Variants in SCARA3 observed in about 807,000 individuals in gnomAD.
SCARA3 encodes the protein scavenger receptor class A member 3.
SCARA3 carries 39 observed loss-of-function variants against 47.0 expected under a neutral mutation model. That is an observed-to-expected ratio of 0.83 (90% CI 0.64 to 1.08). The LOEUF is 1.08. Among genes scored for constraint, SCARA3 ranks in the 50% least tolerant of loss-of-function variants. SCARA3 has a pLI of 0.00. For synonymous variants in SCARA3, 356 were observed against 334.1 expected, an observed-to-expected ratio of 1.07 and a Z score of -0.71; for missense variants, 724 against 792.3, an observed-to-expected ratio of 0.91 and a Z score of 1.04.
In SCARA3 at chr8:27,659,497, A is replaced by C. The variant is rs1238638869; in HGVS notation, c.1327A>C (p.Thr443Pro). The change falls in exon 5 of 6, where the codon ACA (threonine) becomes CCA (proline). Residue 443 changes from threonine to proline, a missense_variant. Thr to Pro is a conservative substitution (Grantham distance 38). Coordinates refer to ENST00000301904, the MANE Select transcript of SCARA3 (RefSeq NM_016240.3). ...CGTGGAGGAGATGAAGGCAGTGGAC[A>C]CACAGCATGGAGAAATCCTTCGCAA... is the stretch of plus-strand genomic sequence containing the variant. ...MIVEEMKAVD[T>P]QHGEILRNVT... is the part of the protein sequence containing the mutation. 1.2e-6 allele frequency: 2 copies of C among 1,613,744 alleles called. No individual in the cohort carries two copies. Among genetic ancestry groups the C allele is most frequent in the South Asian group, 1.1e-5 (1 of 91,026 alleles).
chr8:27,707,039 C>A, the SCARA3 span, among the ~76,000 whole-genome samples: 1 of 152,222 alleles, frequency 6.6e-6, no homozygotes, highest in South Asian at 2.1e-4. Context: ...CAGAAGAGGT[C>A]ATGGACTTGG....
chr8:27,659,596 T>C (rs764413923), intron 5 of SCARA3, 57 bp downstream of exon 5: 58 of 1,455,516 alleles, frequency 4.0e-5, no homozygotes, highest in Middle Eastern at 1.8e-4. Flanking sequence ...CTTGGTGATC[T>C]TGCTGGACAC....
chr8:27,696,902 C>G, the SCARA3 span, among the ~76,000 whole-genome samples: 1 of 152,104 alleles, frequency 6.6e-6, no homozygotes, highest in African/African-American at 2.4e-5. Context: ...TGGAGAATGA[C>G]TATCATTGGG....
chr8:27,672,931 C>T lies in SCARA3; in HGVS notation c.*1580C>T. 1.0e-6 allele frequency: 1 copy of T among 985,436 alleles called. No homozygotes were observed. The allele number at this position is 985,436 out of a possible 1,614,324, so 61.0% of individuals were successfully genotyped here. A position where few individuals can be genotyped will look rare whatever the true frequency, so the allele number is the denominator to read the frequency against. On this transcript the variant is annotated 3_prime_UTR_variant, in exon 6 of 6. Coordinates refer to ENST00000301904, the MANE Select transcript of SCARA3 (RefSeq NM_016240.3). ...GGATGTGCAACTGGTTTGCACTGCA[C>T]ACCCCACGGCCATGTAACTCTCCTG...
chr8:27,708,200 T>C, the SCARA3 span, among the ~76,000 whole-genome samples: 2 of 152,246 alleles, frequency 1.3e-5, no homozygotes, highest in East Asian at 3.9e-4. Flanking sequence ...GGGAGATCTT[T>C]AGGAAAAACA....
the SCARA3 span, among the ~76,000 whole-genome samples, chr8:27,690,821 T>C: frequency 2.6e-5 from 4 of 152,126 alleles, 1 homozygote; most frequent in South Asian, 8.3e-4. Context: ...TCTGCCTGGC[T>C]ATAGGCACAC....
chr8:27,716,929 G>T, the SCARA3 span, among the ~76,000 whole-genome samples: 61 of 152,152 alleles, frequency 4.0e-4, no homozygotes, highest in African/African-American at 1.5e-3. Context: ...AGAAGAACAC[G>T]GCATCACCTT....
At chr8:27,708,792 T>C in the SCARA3 span, among the ~76,000 whole-genome samples, 1 of 152,226 alleles carries the variant, frequency 6.6e-6, no homozygotes, top group African/African-American at 2.4e-5. Flanking sequence ...TTGTTCATTA[T>C]AGACTTTAAA....
the SCARA3 span, among the ~76,000 whole-genome samples, chr8:27,689,788 A>C: frequency 6.6e-6 from 1 of 152,084 alleles, no homozygotes; most frequent in Non-Finnish European, 1.5e-5. Context: ...CCTAAAGACC[A>C]GTGTGGGCCA....
chr8:27,671,011 C>G lies in SCARA3; in HGVS notation c.1481C>G (p.Pro494Arg). Reference protein sequence around the residue: ...GDPGSLGPLGPQGPQGQPGEA... With the variant: ...GDPGSLGPLGRQGPQGQPGEA... The stretch of plus-strand genomic sequence containing the variant: ...CCCGGCAGCTTGGGCCCCCTGGGAC[C>G]CCAGGGTCCTCAGGGGCAACCTGGA... Residue 494 changes from proline to arginine, a missense_variant, in exon 6 of 6, where the codon CCC becomes CGC. Transcript: ENST00000301904. 6.2e-7 allele frequency: 1 copy of G among 1,611,256 alleles called. No homozygotes were observed. Among genetic ancestry groups the G allele is most frequent in the Non-Finnish European group, 8.5e-7 (1 of 1,179,346 alleles).
upstream of SCARA3, among the ~76,000 whole-genome samples, chr8:27,633,654 G>A (rs1424170267): frequency 4.6e-5 from 7 of 152,134 alleles, no homozygotes; most frequent in Admixed American, 3.3e-4. Context: ...GGGAGCCCGG[G>A]TTCGAGGCTG....
At chr8:27,728,072 A>C in the SCARA3 span, among the ~76,000 whole-genome samples, 5 of 152,358 alleles carry the variant, frequency 3.3e-5, no homozygotes, top group East Asian at 7.7e-4. Flanking sequence ...CCACAACAGC[A>C]AGTTGGGGAG....
intron 3 of SCARA3, among the ~76,000 whole-genome samples, chr8:27,655,792 G>C (rs1047455503): frequency 1.3e-5 from 2 of 152,114 alleles, no homozygotes; most frequent in East Asian, 1.9e-4. Context: ...TATTTATATA[G>C]AGTGCCATGC....
the SCARA3 span, among the ~76,000 whole-genome samples, chr8:27,729,240 C>T: frequency 3.3e-5 from 5 of 152,324 alleles, no homozygotes; most frequent in African/African-American, 9.6e-5. Context: ...TTTCAATGCA[C>T]TTTACTCATT....
At chr8:27,713,590 A>G in the SCARA3 span, among the ~76,000 whole-genome samples, 2 of 152,052 alleles carry the variant, frequency 1.3e-5, no homozygotes, top group Non-Finnish European at 2.9e-5. Flanking sequence ...ATTTGCTTTG[A>G]TGCTCAGATT....
Position 27,659,524 on chromosome 8 carries a change from G to C in SCARA3, c.1354G>C (p.Val452Leu). The C allele has an allele frequency of 6.2e-7, 1 of 1,608,270 alleles. No individual in the cohort carries two copies. The highest frequency in any genetic ancestry group is 8.5e-7 in the Non-Finnish European group (1 of 1,176,120). ...ACAGCATGGAGAAATCCTTCGCAAT[G>C]TCACCATCCTACGAGGTAAGAGCTG... is the stretch of plus-strand genomic sequence containing the variant. Reference protein sequence around the residue: ...DTQHGEILRNVTILRGAPGPP... With the variant: ...DTQHGEILRNLTILRGAPGPP... Residue 452 changes from valine (V) to leucine (L), a missense_variant, in exon 5 of 6, where the codon GTC becomes CTC. Val to Leu is a conservative substitution (Grantham distance 32). Transcript: ENST00000301904.
the SCARA3 span, among the ~76,000 whole-genome samples, chr8:27,696,198 CA>C: frequency 6.6e-6 from 1 of 151,830 alleles, no homozygotes; most frequent in African/African-American, 2.4e-5. Context: ...TTTGTAGAGA[CA>C]AGGTTTTACT....
rs1285920998 is a variant in SCARA3, at chr8:27,671,646, A to G, written c.*295A>G. On this transcript the variant is annotated 3_prime_UTR_variant, in exon 6 of 6. Transcript: ENST00000301904. ...CATACACAGGCATACATGCATGCACACACACATGCACGCACACACACATGC... is the reference window on the plus strand; with the variant it reads ...CATACACAGGCATACATGCATGCACGCACACATGCACGCACACACACATGC... 1.8e-6 allele frequency: 2 copies of G among 1,118,526 alleles called. No homozygotes were observed. The highest frequency in any genetic ancestry group is 4.5e-5 in the South Asian group (1 of 22,186). 69.3% of individuals were successfully genotyped at this position (1,118,526 alleles called of 1,614,324 possible).
the SCARA3 span, among the ~76,000 whole-genome samples, chr8:27,714,034 G>T: frequency 6.6e-6 from 1 of 151,946 alleles, no homozygotes; most frequent in African/African-American, 2.4e-5. Flanking sequence ...CTTTTACCAC[G>T]TGATGTACCT....
Sources: gnomAD v4.1 joint callset for allele counts (sites outside exome capture counted in the v4.1 genomes callset) on GRCh38, gnomAD v4.1.1 for gene constraint, MANE v1.5 for transcripts, NCBI Gene and HGNC (gene_info 2026-07-23, HGNC 2026-07-21) for gene names.